ZNF804B: variants seen among roughly 807,000 people sequenced by gnomAD.
ZNF804B encodes zinc finger 804B.
ZNF804B carries 80 observed loss-of-function variants against 101.4 expected under a neutral mutation model. That is an observed-to-expected ratio of 0.79 (90% CI 0.66 to 0.95). The LOEUF (loss-of-function observed/expected upper bound fraction) is 0.95, where lower values mean the gene tolerates loss of function less well. Among genes scored for constraint, ZNF804B ranks in the 40% least tolerant of loss-of-function variants. The pLI is 0.00. For missense variants in ZNF804B, 1,673 were observed against 1,561.9 expected (o/e 1.07, Z -1.20); for synonymous variants, 622 against 558.8 (o/e 1.11, Z -1.59).
chr7:89,226,467 G>C (rs898168192), intron 2 of ZNF804B, among the ~76,000 whole-genome samples: 2 of 151,938 alleles, frequency 1.3e-5, no homozygotes, highest in African/African-American at 4.8e-5. Context: ...ATTCTTAAAA[G>C]TTATTATTAG....
intron 2 of ZNF804B, among the ~76,000 whole-genome samples, chr7:89,222,082 A>G (rs899022552): frequency 2.6e-5 from 4 of 152,008 alleles, no homozygotes; most frequent in African/African-American, 9.7e-5. Flanking sequence ...TAAAGACTGA[A>G]TAGAAGCTAA....
chr7:89,112,890 A>G (rs781411199), intron 1 of ZNF804B, among the ~76,000 whole-genome samples: 1 of 152,206 alleles, frequency 6.6e-6, no homozygotes, highest in Non-Finnish European at 1.5e-5. Context: ...TAGATGTTAG[A>G]TATTTAGAAT....
intron 1 of ZNF804B, among the ~76,000 whole-genome samples, chr7:89,023,964 G>T (rs1393013702): frequency 6.6e-6 from 1 of 152,148 alleles, no homozygotes; most frequent in Non-Finnish European, 1.5e-5. Context: ...TAAATTGTGG[G>T]CAGCACCCTG....
intron 1 of ZNF804B, among the ~76,000 whole-genome samples, chr7:88,850,870 A>AAACATTTATTATAACTGTATTCC (rs1444501347): frequency 6.6e-6 from 1 of 152,142 alleles, no homozygotes; most frequent in Non-Finnish European, 1.5e-5. Flanking sequence ...AACTGTATTA[A>AAACATTTATTATAACTGTATTCC]AACATTTATT....
chr7:89,028,171 A>G (rs1788779687), intron 1 of ZNF804B, among the ~76,000 whole-genome samples: 1 of 152,194 alleles, frequency 6.6e-6, no homozygotes, highest in Admixed American at 6.6e-5. Flanking sequence ...AATATATAAC[A>G]AATAATATAA....
At chr7:88,973,424 CTCTT>C (rs1191824594) in intron 1 of ZNF804B, among the ~76,000 whole-genome samples, 2 of 151,306 alleles carry the variant, frequency 1.3e-5, no homozygotes, top group Non-Finnish European at 1.5e-5. Context: ...ATCTCTCTCT[CTCTT>C]TTTAAATCTG....
chr7:89,104,305 A>T (rs1398580325), intron 1 of ZNF804B, among the ~76,000 whole-genome samples: 1 of 152,078 alleles, frequency 6.6e-6, no homozygotes, highest in Non-Finnish European at 1.5e-5. Context: ...TTTGAGTAAG[A>T]TTGGCACCAG....
chr7:89,053,049 G>C (rs952357635), intron 1 of ZNF804B, among the ~76,000 whole-genome samples: 2 of 152,066 alleles, frequency 1.3e-5, no homozygotes, highest in Non-Finnish European at 2.9e-5. Context: ...AACTTCTCTT[G>C]ATACATACAA....
chr7:89,223,260 C>T (rs1365449689), intron 2 of ZNF804B, among the ~76,000 whole-genome samples: 4 of 151,810 alleles, frequency 2.6e-5, no homozygotes, highest in African/African-American at 9.7e-5. Flanking sequence ...AGAAGTAAAT[C>T]CAAATGCTCA....
intron 1 of ZNF804B, among the ~76,000 whole-genome samples, chr7:89,171,277 AT>A (rs1791220120): frequency 9.1e-6 from 1 of 110,262 alleles, no homozygotes; most frequent in African/African-American, 3.5e-5. Flanking sequence ...GGCACAAATA[AT>A]GCTGCTGCTG....
intron 2 of ZNF804B, among the ~76,000 whole-genome samples, chr7:89,252,399 G>A (rs1357346549): frequency 6.6e-6 from 1 of 152,076 alleles, no homozygotes; most frequent in Non-Finnish European, 1.5e-5. Flanking sequence ...AGATGCTTGA[G>A]AGGCTGTGGA....
chr7:88,795,965 C>T (rs937640629), intron 1 of ZNF804B, among the ~76,000 whole-genome samples: 12 of 151,976 alleles, frequency 7.9e-5, no homozygotes, highest in East Asian at 7.7e-4. Flanking sequence ...TCTTTTTTTC[C>T]GTTTGATAAA....
intron 2 of ZNF804B, among the ~76,000 whole-genome samples, chr7:89,239,862 A>T (rs1789340664): frequency 6.6e-6 from 1 of 151,308 alleles, no homozygotes. Flanking sequence ...TGAAACTTTC[A>T]TTGAAAAATC....
chr7:88,784,985 A>G (rs1166387379), intron 1 of ZNF804B, among the ~76,000 whole-genome samples: 2 of 151,994 alleles, frequency 1.3e-5, no homozygotes, highest in African/African-American at 2.4e-5. Flanking sequence ...TGCTTATTCT[A>G]TATATTTGTG....
chr7:89,198,001 A>G (rs1788580615), intron 1 of ZNF804B, among the ~76,000 whole-genome samples: 1 of 151,886 alleles, frequency 6.6e-6, no homozygotes, highest in Non-Finnish European at 1.5e-5. Context: ...ATTGATGAGT[A>G]GAACACTGAC....
rs1562920250 is a variant in ZNF804B at position 89,220,024 on chromosome 7, T to TATACGCACATATATGTGTGTATATAC, written c.249+1732_249+1733insCGCACATATATGTGTGTATATACATA. 2.4e-3 allele frequency among the ~76,000 whole-genome samples: 269 copies of TATACGCACATATATGTGTGTATATAC among 113,482 alleles called. 20 individuals carry two copies. Among genetic ancestry groups the TATACGCACATATATGTGTGTATATAC allele is most frequent in the Admixed American group, 3.5e-3 (31 of 8,820 alleles). 74.4% of individuals were successfully genotyped at this position (113,482 alleles called of 152,430 possible). On this transcript the variant is annotated intron_variant, in intron 2 of 3. Coordinates refer to ENST00000333190, the MANE Select transcript of ZNF804B (RefSeq NM_181646.5). ...ATATGCACATATATGTGTGTATACA[T>TATACGCACATATATGTGTGTATATAC]ATATATACGCACATATATGTGCATA... is the stretch of plus-strand genomic sequence containing the variant.
At chr7:89,156,016 TTTCCTTTCTTTC>T (rs1410624786) in intron 1 of ZNF804B, among the ~76,000 whole-genome samples, 1 of 84,044 alleles carries the variant, frequency 1.2e-5, no homozygotes, top group African/African-American at 4.0e-5. Context: ...TCTTTCTCTC[TTTCCTTTCTTTC>T]TTTCTTTCTT....
chr7:88,774,614 A>C (rs1325257086), intron 1 of ZNF804B, among the ~76,000 whole-genome samples: 2 of 151,126 alleles, frequency 1.3e-5, no homozygotes, highest in Admixed American at 1.3e-4. Flanking sequence ...CATCCTACTA[A>C]GTATTTATTC....
At chr7:88,879,166 C>T (rs573049022) in intron 1 of ZNF804B, among the ~76,000 whole-genome samples, 11 of 152,178 alleles carry the variant, frequency 7.2e-5, no homozygotes, top group Non-Finnish European at 1.5e-4. Flanking sequence ...GCGTCAATTA[C>T]TGATATAAAC....
Sources: allele counts gnomAD v4.1 joint callset (sites outside exome capture counted in the v4.1 genomes callset), GRCh38; gene constraint gnomAD v4.1.1; transcripts MANE v1.5; gene names NCBI Gene and HGNC (gene_info 2026-07-23, HGNC 2026-07-21).